Variants in GRIA3 observed in about 807,000 individuals in gnomAD.
The protein encoded by GRIA3 is glutamate receptor 3.
Under a neutral mutation model 63.0 loss-of-function variants are expected in GRIA3, and 3 were observed. The observed-to-expected ratio is 0.05, with a 90% CI of 0.02 to 0.12. GRIA3 has a LOEUF of 0.12. Ranked by LOEUF, GRIA3 falls within the 10% of genes least tolerant of loss-of-function variation. The probability of loss-of-function intolerance (pLI) is 1.00; values close to 1 mark genes in which losing one functional copy is unlikely to be tolerated. For missense variants in GRIA3, 347 were observed against 700.9 expected (o/e 0.50, Z 5.70); for synonymous variants, 274 against 257.9 (o/e 1.06, Z -0.60).
rs192825368 is a variant in GRIA3 at position 123,373,665 on chromosome X, T to C, written c.750+18702T>C. Reference sequence around the variant, plus strand: ...CATAAATGTCTTCTTTTGAGAAGGGTCTGTTCATATCTTTTGCCCACTTTT... The same window carrying C: ...CATAAATGTCTTCTTTTGAGAAGGGCCTGTTCATATCTTTTGCCCACTTTT... On this transcript the variant is annotated intron_variant, in intron 5 of 15. Coordinates refer to ENST00000620443, the MANE Select transcript of GRIA3 (RefSeq NM_007325.5). Among the ~76,000 whole-genome samples the C allele has an allele frequency of 2.0e-3, 226 of 111,996 alleles. 2 individuals are homozygous for C. Among genetic ancestry groups the C allele is most frequent in the African/African-American group, 7.2e-3 (221 of 30,779 alleles).
intron 2 of GRIA3, 114 bp downstream of exon 2, chrX:123,186,104 T>C (rs1927267002): frequency 1.7e-6 from 1 of 605,806 alleles, no homozygotes; most frequent in South Asian, 2.3e-5. Flanking sequence ...GTAGATATTT[T>C]AGGGGCTCTA....
intron 11 of GRIA3, among the ~76,000 whole-genome samples, chrX:123,423,933 G>A (rs2045576799): frequency 9.0e-6 from 1 of 111,563 alleles, no homozygotes; most frequent in South Asian, 3.7e-4. Context: ...TTTGATGTAC[G>A]TATTTTGCAG....
intron 3 of GRIA3, among the ~76,000 whole-genome samples, chrX:123,275,181 A>C (rs1226361253): frequency 1.8e-5 from 2 of 111,794 alleles, no homozygotes; most frequent in African/African-American, 6.5e-5. Flanking sequence ...AACAAAGATA[A>C]TTATAACAAT....
intron 2 of GRIA3, among the ~76,000 whole-genome samples, chrX:123,212,704 A>G (rs941561491): frequency 9.8e-5 from 11 of 112,525 alleles, no homozygotes; most frequent in Admixed American, 1.9e-4. Context: ...CAGTCGTTCT[A>G]TTAGTATTGG....
At chrX:123,376,779 T>C (rs1005025059) in intron 5 of GRIA3, among the ~76,000 whole-genome samples, 9 of 111,020 alleles carry the variant, frequency 8.1e-5, no homozygotes, top group African/African-American at 2.9e-4. Flanking sequence ...GCTCAAGAAG[T>C]GAAACCTGGG....
intron 12 of GRIA3, among the ~76,000 whole-genome samples, chrX:123,453,956 AC>A (rs750572221): frequency 9.0e-6 from 1 of 111,480 alleles, no homozygotes; most frequent in Non-Finnish European, 1.9e-5. Context: ...ATAACGTTAT[AC>A]TCCTTATATA....
chrX:123,230,554 C>T (rs2044270885), intron 2 of GRIA3, among the ~76,000 whole-genome samples: 1 of 111,069 alleles, frequency 9.0e-6, no homozygotes, highest in Non-Finnish European at 1.9e-5. Context: ...TTTGGTAGTC[C>T]TCAAACCATA....
At chrX:123,210,256 T>C (rs956397930) in intron 2 of GRIA3, among the ~76,000 whole-genome samples, 1 of 107,524 alleles carries the variant, frequency 9.3e-6, no homozygotes, top group South Asian at 4.3e-4. Context: ...TTATTTCCTA[T>C]CCCACATTCT....
chrX:123,211,862 A>G (rs1359866388), intron 2 of GRIA3, among the ~76,000 whole-genome samples: 7 of 111,383 alleles, frequency 6.3e-5, no homozygotes, highest in Non-Finnish European at 1.3e-4. Flanking sequence ...TCTCTCATAC[A>G]CACACATACT....
chrX:123,193,607 A>G (rs2147249335), intron 2 of GRIA3, among the ~76,000 whole-genome samples: 1 of 112,179 alleles, frequency 8.9e-6, no homozygotes, highest in South Asian at 3.8e-4. Flanking sequence ...CAGGGAAGCC[A>G]TTAAAAGCTT....
chrX:123,341,599 C>T (rs1189036291), intron 4 of GRIA3, among the ~76,000 whole-genome samples: 1 of 112,394 alleles, frequency 8.9e-6, no homozygotes, highest in Non-Finnish European at 1.9e-5. Flanking sequence ...ACAAACAATG[C>T]TAAATTTGTG....
intron 13 of GRIA3, chrX:123,465,609 T>C (rs1222817974): frequency 2.2e-6 from 2 of 892,659 alleles, no homozygotes; most frequent in African/African-American, 3.9e-5. Flanking sequence ...GTGCTCCTTT[T>C]TATACGTTAA....
At chrX:123,377,801 T>C (rs2045296710) in intron 5 of GRIA3, among the ~76,000 whole-genome samples, 2 of 111,974 alleles carry the variant, frequency 1.8e-5, no homozygotes, top group African/African-American at 6.5e-5. Flanking sequence ...GTCTGGGCTC[T>C]TGTCTGTGTT....
chrX:123,394,362 G>A (rs2045402187), intron 5 of GRIA3, among the ~76,000 whole-genome samples: 1 of 110,503 alleles, frequency 9.0e-6, no homozygotes, highest in South Asian at 4.1e-4. Context: ...GCGAGACTCT[G>A]CACTCCAGCC....
At chrX:123,403,318 C>A in intron 8 of GRIA3, 94 bp from the exon 9 acceptor site, 1 of 677,612 alleles carries the variant, frequency 1.5e-6, no homozygotes, top group Non-Finnish European at 2.4e-6. Context: ...TTATAGAGCT[C>A]AAGAAAGTTT....
intron 3 of GRIA3, among the ~76,000 whole-genome samples, chrX:123,284,657 G>A (rs1382035053): frequency 9.0e-6 from 1 of 111,051 alleles, no homozygotes; most frequent in Admixed American, 9.6e-5. Flanking sequence ...ATCAGAGATT[G>A]AAGATCCACT....
chrX:123,191,059 C>A (rs5909973), intron 2 of GRIA3, among the ~76,000 whole-genome samples: 41,133 of 111,013 alleles, frequency 0.37, 5,562 homozygotes, highest in South Asian at 0.46. Context: ...GAATTTTAGA[C>A]GATAGAATTC....
At chrX:123,205,773 A>G (rs1365955884) in intron 2 of GRIA3, among the ~76,000 whole-genome samples, 2 of 112,140 alleles carry the variant, frequency 1.8e-5, no homozygotes, top group Admixed American at 1.9e-4. Context: ...CTGCACTGGT[A>G]TACTGTGGGG....
intron 5 of GRIA3, among the ~76,000 whole-genome samples, chrX:123,373,778 G>A (rs1261065589): frequency 1.8e-5 from 2 of 111,323 alleles, no homozygotes. Flanking sequence ...TGAGTAGATT[G>A]CAAAAATTTT....
Sources: allele counts gnomAD v4.1 joint callset (sites outside exome capture counted in the v4.1 genomes callset), GRCh38; gene constraint gnomAD v4.1.1; transcripts MANE v1.5; gene names NCBI Gene and HGNC (gene_info 2026-07-23, HGNC 2026-07-21).